Variants in CECR2 observed in about 807,000 individuals in gnomAD.
CECR2 encodes chromatin remodeling regulator CECR2.
In CECR2, 30 loss-of-function variants were observed where a neutral mutation model predicts 154.5. The ratio of observed to expected loss-of-function variants is 0.19; its 90% CI spans 0.15 to 0.26. The LOEUF is 0.26. CECR2 is among the 10% of genes least tolerant of loss of function. CECR2 has a pLI of 1.00. For synonymous variants in CECR2, 725 were observed against 683.7 expected (o/e 1.06, Z -0.94); for missense variants, 1,743 against 1,829.3 (o/e 0.95, Z 0.86).
chr22:17,363,047 TC>T (rs2062984901), intron 1 of CECR2, among the ~76,000 whole-genome samples: 1 of 98,686 alleles, frequency 1.0e-5, no homozygotes, highest in African/African-American at 3.6e-5. Flanking sequence ...ATTTCCTTCT[TC>T]TTTTTTTTTT....
At chr22:17,530,929 C>G (rs1319731977) in intron 9 of CECR2, among the ~76,000 whole-genome samples, 1 of 152,084 alleles carries the variant, frequency 6.6e-6, no homozygotes, top group Non-Finnish European at 1.5e-5. Context: ...AATGGGGAGT[C>G]AGTGTTTAAC....
In CECR2 at chr22:17,542,475, C is replaced by T. The variant is rs752958150; in HGVS notation, c.2332C>T (p.His778Tyr). The change falls in exon 16 of 19, where the codon CAT (histidine) becomes TAT (tyrosine). Residue 778 changes from histidine (H) to tyrosine (Y), a missense_variant. Physicochemically the swap from His to Tyr is moderately conservative, Grantham distance 83. Around this residue, in one of 4 missense-constraint regions of CECR2, gnomAD observed 1,250 missense variants for 1,192.1 expected, o/e 1.05. Coordinates refer to ENST00000262608, the MANE Select transcript of CECR2 (RefSeq NM_001290047.2). ...RVHSAVWNGNHGATNQGPLGP... is the reference protein window; with the variant it reads ...RVHSAVWNGNYGATNQGPLGP... ...ACACTCTGCCGTCTGGAATGGGAAC[C>T]ATGGTGCTACGAACCAAGGACCCTT... 1 of 1,613,994 alleles carries T rather than the reference C, an allele frequency of 6.2e-7. No individual in the cohort carries two copies. Among genetic ancestry groups the T allele is most frequent in the Admixed American group, 1.7e-5 (1 of 60,022 alleles).
chr22:17,499,629 C>T, intron 4 of CECR2, 80 bp downstream of exon 4: 1 of 1,398,928 alleles, frequency 7.1e-7, no homozygotes, highest in South Asian at 1.5e-5. Flanking sequence ...TTCTACAGCA[C>T]AATTTTTTTT....
intron 9 of CECR2, among the ~76,000 whole-genome samples, chr22:17,536,430 G>T (rs1330986368): frequency 6.6e-6 from 1 of 152,138 alleles, no homozygotes; most frequent in Non-Finnish European, 1.5e-5. Flanking sequence ...TGCCAAGTGT[G>T]CTTCTCATGG....
intron 1 of CECR2, among the ~76,000 whole-genome samples, chr22:17,443,433 C>T (rs1173544769): frequency 6.6e-6 from 1 of 152,070 alleles, no homozygotes. Context: ...CTTTAAGCAG[C>T]AGGAGTCTTA....
intron 1 of CECR2, among the ~76,000 whole-genome samples, chr22:17,405,285 G>A (rs147169579): frequency 2.6e-5 from 4 of 151,804 alleles, no homozygotes; most frequent in African/African-American, 7.3e-5. Context: ...GGTGGTGGAC[G>A]CCTGTAATCC....
At chr22:17,414,247 C>G (rs1295183787) in intron 1 of CECR2, among the ~76,000 whole-genome samples, 1 of 152,212 alleles carries the variant, frequency 6.6e-6, no homozygotes, top group Non-Finnish European at 1.5e-5. Context: ...GCTGGGATTA[C>G]AGGCGTGAGC....
Position 17,541,888 on chromosome 22 carries a change from C to T in CECR2, c.1934C>T (p.Ala645Val). ...GGCCCTCTGCGAGGATCAGATCCTG[C>T]CACCTTGTATGGCTCCTCTGGAGTC... ...TFGPLRGSDP[A>V]TLYGSSGVPE... Residue 645 changes from alanine to valine, a missense_variant, in exon 15 of 19, where the codon GCC becomes GTC. Ala to Val is a moderately conservative substitution (Grantham distance 64, BLOSUM62 0). Around this residue, in one of 4 missense-constraint regions of CECR2, gnomAD observed 1,250 missense variants for 1,192.1 expected, o/e 1.05. Transcript: ENST00000262608. The T allele has an allele frequency of 6.2e-7, 1 of 1,613,994 alleles. No individual in the cohort carries two copies. Among genetic ancestry groups the T allele is most frequent in the Non-Finnish European group, 8.5e-7 (1 of 1,179,886 alleles).
At chr22:17,475,974 G>A (rs2146788153) in intron 1 of CECR2, among the ~76,000 whole-genome samples, 1 of 151,894 alleles carries the variant, frequency 6.6e-6, no homozygotes, top group South Asian at 2.1e-4. Flanking sequence ...CCTCTCTATA[G>A]AAATAAACTG....
rs116646908 is a variant in CECR2 at position 17,471,591 on chromosome 22, G to C, written c.127-5997G>C. On this transcript the variant is annotated intron_variant, in intron 1 of 18. Coordinates refer to ENST00000262608, the MANE Select transcript of CECR2 (RefSeq NM_001290047.2). ...GCTCTGTCGCCCAGGTTAGAATGCAGTGGGTGTGATCTCGGCTCACTGCAA... is the reference window on the plus strand; with the variant it reads ...GCTCTGTCGCCCAGGTTAGAATGCACTGGGTGTGATCTCGGCTCACTGCAA... Among the ~76,000 whole-genome samples the C allele has an allele frequency of 0.01, 1,585 of 152,240 alleles. 57 individuals carry two copies. The East Asian group carries it at 0.16, about 15-fold the overall frequency.
chr22:17,543,802 G>A (rs192387578), intron 16 of CECR2, among the ~76,000 whole-genome samples: 224 of 152,096 alleles, frequency 1.5e-3, no homozygotes, highest in African/African-American at 5.0e-3. Flanking sequence ...TCAGGTGATC[G>A]CCTGCCTTGG....
intron 1 of CECR2, among the ~76,000 whole-genome samples, chr22:17,401,281 T>C (rs2053887084): frequency 6.6e-6 from 1 of 152,206 alleles, no homozygotes; most frequent in Admixed American, 6.5e-5. Flanking sequence ...TTTTTGCAAC[T>C]TATTTTAAAA....
chr22:17,462,276 C>T (rs954667827), intron 1 of CECR2, among the ~76,000 whole-genome samples: 6 of 151,806 alleles, frequency 4.0e-5, no homozygotes, highest in Admixed American at 1.3e-4. Flanking sequence ...TGGTGGCGGG[C>T]GCCTGTAGTC....
At chr22:17,456,717 T>G (rs977482009) in intron 1 of CECR2, among the ~76,000 whole-genome samples, 1 of 152,228 alleles carries the variant, frequency 6.6e-6, no homozygotes, top group African/African-American at 2.4e-5. Context: ...ACCAGCTTGT[T>G]CTGTCTTGGC....
chr22:17,405,030 T>G (rs1254057292), intron 1 of CECR2, among the ~76,000 whole-genome samples: 1 of 152,198 alleles, frequency 6.6e-6, no homozygotes, highest in Non-Finnish European at 1.5e-5. Flanking sequence ...AGTTTTATAT[T>G]CAAATTCTCA....
chr22:17,515,385 T>A (rs533681151), intron 8 of CECR2, among the ~76,000 whole-genome samples: 6 of 152,206 alleles, frequency 3.9e-5, no homozygotes, highest in Admixed American at 1.3e-4. Context: ...CTGCCCACCA[T>A]GTCTTTATAG....
chr22:17,387,275 C>T (rs2063274506), intron 1 of CECR2, among the ~76,000 whole-genome samples: 1 of 152,092 alleles, frequency 6.6e-6, no homozygotes, highest in Non-Finnish European at 1.5e-5. Flanking sequence ...CCCCTCCTTG[C>T]CCTTGTCAAG....
Position 17,542,228 on chromosome 22 carries a change from G to A in CECR2, c.2085G>A (p.Gly695=). ...CAGAGGAGAAGCAAATGTGCGGGGG[G>A]CTGACACACCTTTCTAACATGGGCC... ...GTPEEKQMCG[G]LTHLSNMGPH... The change falls in exon 16 of 19, where the codon GGG becomes GGA. Residue 695 remains glycine (G), a synonymous_variant. Coordinates refer to ENST00000262608, the MANE Select transcript of CECR2 (RefSeq NM_001290047.2). 1 of 1,611,730 alleles carries A rather than the reference G, an allele frequency of 6.2e-7. No individual in the cohort carries two copies. Among genetic ancestry groups the A allele is most frequent in the Non-Finnish European group, 8.5e-7 (1 of 1,178,872 alleles).
At chr22:17,379,581 G>GGTT (rs368888178) in intron 1 of CECR2, among the ~76,000 whole-genome samples, 3 of 137,814 alleles carry the variant, frequency 2.2e-5, no homozygotes, top group African/African-American at 8.1e-5. Context: ...CTACGTTGAA[G>GGTT]GTGTGTGTGT....
Sources: allele counts gnomAD v4.1 joint callset (sites outside exome capture counted in the v4.1 genomes callset), GRCh38; gene constraint gnomAD v4.1.1; regional missense constraint gnomAD v4.1.1; transcripts MANE v1.5; gene names NCBI Gene and HGNC (gene_info 2026-07-23, HGNC 2026-07-21).